The following PCLO variants were observed in gnomAD, a reference collection of about 807,000 sequenced individuals.
PCLO encodes protein piccolo.
Under a neutral mutation model 427.5 loss-of-function variants are expected in PCLO, and 82 were observed. The observed-to-expected ratio is 0.19, with a 90% CI of 0.16 to 0.23. PCLO has a LOEUF of 0.23. Among genes scored for constraint, PCLO ranks in the 10% least tolerant of loss-of-function variants. The pLI is 1.00. For missense variants in PCLO, 6,239 were observed against 6,115.9 expected (o/e 1.02, Z -0.67); for synonymous variants, 2,357 against 2,155.4 (o/e 1.09, Z -2.59).
chr7:83,000,393 G>A (rs1054145736), intron 3 of PCLO, among the ~76,000 whole-genome samples: 23 of 151,820 alleles, frequency 1.5e-4, no homozygotes, highest in Non-Finnish European at 2.4e-4. Context: ...TAAAAATTGA[G>A]GAAATTTGTT....
chr7:82,901,506 T>C (rs976282281), intron 9 of PCLO, among the ~76,000 whole-genome samples: 1 of 152,134 alleles, frequency 6.6e-6, no homozygotes, highest in Non-Finnish European at 1.5e-5. Flanking sequence ...ATTCAGGACA[T>C]AGGCATGGGC....
At chr7:82,827,998 A>G in intron 16 of PCLO, 32 bp from the exon 17 acceptor site, 1 of 1,216,592 alleles carries the variant, frequency 8.2e-7, no homozygotes, top group East Asian at 2.4e-5. Flanking sequence ...AGTTATCTTG[A>G]TTATTCACCT....
At chr7:82,935,194 T>TAA (rs528188502) in intron 6 of PCLO, among the ~76,000 whole-genome samples, 2 of 84,216 alleles carry the variant, frequency 2.4e-5, no homozygotes, top group Non-Finnish European at 4.7e-5. Context: ...CCTGGTATAC[T>TAA]AAAAAAAAAA....
At chr7:83,126,259 T>C (rs1375299373) in intron 3 of PCLO, among the ~76,000 whole-genome samples, 1 of 152,162 alleles carries the variant, frequency 6.6e-6, no homozygotes, top group Non-Finnish European at 1.5e-5. Flanking sequence ...GCTGTGGGGA[T>C]AGTTAATGAG....
chr7:82,933,350 C>A (rs1794881531), intron 6 of PCLO, among the ~76,000 whole-genome samples: 1 of 152,070 alleles, frequency 6.6e-6, no homozygotes, highest in African/African-American at 2.4e-5. Context: ...TTTCCATTTT[C>A]TGGAAGGTCA....
chr7:82,920,212 TA>T (rs1794564057), intron 6 of PCLO, among the ~76,000 whole-genome samples: 1 of 151,682 alleles, frequency 6.6e-6, no homozygotes, highest in Non-Finnish European at 1.5e-5. Context: ...AATACAGAGA[TA>T]AAAGCAATAC....
intron 6 of PCLO, among the ~76,000 whole-genome samples, chr7:82,919,439 C>T (rs1794545440): frequency 6.6e-6 from 1 of 151,866 alleles, no homozygotes; most frequent in Non-Finnish European, 1.5e-5. Context: ...GAAATAGAGA[C>T]CCAGTGTGGT....
chr7:82,958,699 T>G (rs1413020323), intron 4 of PCLO, among the ~76,000 whole-genome samples: 1 of 152,176 alleles, frequency 6.6e-6, no homozygotes, highest in African/African-American at 2.4e-5. Context: ...ATTTCTTATC[T>G]GCAGTTGTGA....
intron 4 of PCLO, among the ~76,000 whole-genome samples, chr7:82,964,659 C>T (rs1795724719): frequency 6.6e-6 from 1 of 152,062 alleles, no homozygotes; most frequent in South Asian, 2.1e-4. Context: ...CACAAAGGGA[C>T]AAACAGTACC....
chr7:82,870,859 C>A, intron 10 of PCLO, among the ~76,000 whole-genome samples: 1 of 151,998 alleles, frequency 6.6e-6, no homozygotes, highest in East Asian at 1.9e-4. Flanking sequence ...TATCACTAGT[C>A]ATCAGGGAAA....
chr7:82,780,646 C>T (rs1299158139), intron 22 of PCLO, among the ~76,000 whole-genome samples: 1 of 152,226 alleles, frequency 6.6e-6, no homozygotes. Context: ...CTCCCGGGTT[C>T]TCGCCATTCT....
intron 22 of PCLO, among the ~76,000 whole-genome samples, chr7:82,786,925 C>CT (rs1790996987): frequency 6.6e-6 from 1 of 151,964 alleles, no homozygotes; most frequent in Admixed American, 6.6e-5. Flanking sequence ...TGAACTCATC[C>CT]TTTTTTATGG....
chr7:82,783,539 G>A (rs776361639), intron 22 of PCLO, among the ~76,000 whole-genome samples: 1 of 152,028 alleles, frequency 6.6e-6, no homozygotes. Context: ...GGAGAATGGC[G>A]TGAACCCGGG....
chr7:83,028,249 T>A (rs1032907356), intron 3 of PCLO, among the ~76,000 whole-genome samples: 2 of 150,882 alleles, frequency 1.3e-5, no homozygotes, highest in Non-Finnish European at 3.0e-5. Flanking sequence ...GATAAGCAAC[T>A]TCAACAAAGT....
rs900846784 is a variant in PCLO at position 82,846,474 on chromosome 7, G to A, written c.13831+93C>T. The A allele has an allele frequency of 5.7e-4, 434 of 757,056 alleles. 1 individual carries two copies. The highest frequency in any genetic ancestry group is 8.9e-4 in the Non-Finnish European group (398 of 447,418). 46.9% of individuals were successfully genotyped at this position (757,056 alleles called of 1,614,324 possible). A position where few individuals can be genotyped will look rare whatever the true frequency, so the allele number is the denominator to read the frequency against. On this transcript the variant is annotated intron_variant, in intron 12 of 24. Coordinates refer to ENST00000333891, the MANE Select transcript of PCLO (RefSeq NM_033026.6). The stretch of plus-strand genomic sequence containing the variant: ...TATATTTGTCTATATCTGTGTTTAT[G>A]TCTACATCTTCATCTACAATTACAT...
intron 3 of PCLO, among the ~76,000 whole-genome samples, chr7:83,125,375 C>T (rs144980581): frequency 0.014 from 2,087 of 152,288 alleles, 36 homozygotes; most frequent in African/African-American, 0.045. Flanking sequence ...CGGCCACCAC[C>T]CCATCTGGGA....
Position 82,951,027 on chromosome 7 carries a change from T to C in PCLO, c.9561A>G (p.Ala3187=), listed in dbSNP as rs1299772480. 3.7e-6 allele frequency: 6 copies of C among 1,613,868 alleles called. No homozygotes were observed. Among genetic ancestry groups the C allele is most frequent in the Non-Finnish European group, 5.1e-6 (6 of 1,179,824 alleles). ...CCACCACTTCAGGAAACACTTCGGA[T>C]GCTGTGGTTAAAGTGGGAACAGAGT... ...TIDSVPTLTT[A]SEVFPEVVGD... Residue 3187 remains alanine, a synonymous_variant, in exon 6 of 25, where the codon GCA becomes GCG. Coordinates refer to ENST00000333891, the MANE Select transcript of PCLO (RefSeq NM_033026.6).
chr7:83,051,352 T>C (rs566308858), intron 3 of PCLO, among the ~76,000 whole-genome samples: 24 of 152,290 alleles, frequency 1.6e-4, no homozygotes, highest in South Asian at 2.1e-4. Context: ...TAAGTGATTA[T>C]AGCAAGGTTG....
intron 4 of PCLO, among the ~76,000 whole-genome samples, chr7:82,960,102 T>C (rs1795623003): frequency 6.6e-6 from 1 of 152,228 alleles, no homozygotes; most frequent in African/African-American, 2.4e-5. Flanking sequence ...GTTAAAGAAC[T>C]GAATTCTAGA....
Sources: gnomAD v4.1 joint callset for allele counts (sites outside exome capture counted in the v4.1 genomes callset) on GRCh38, gnomAD v4.1.1 for gene constraint, MANE v1.5 for transcripts, NCBI Gene and HGNC (gene_info 2026-07-23, HGNC 2026-07-21) for gene names.